GABRG1: variants seen among roughly 807,000 people sequenced by gnomAD.
The protein encoded by GABRG1 is gamma-aminobutyric acid receptor subunit gamma-1.
GABRG1 carries 49 observed loss-of-function variants against 49.8 expected under a neutral mutation model. The observed-to-expected ratio is 0.98, with a 90% CI of 0.78 to 1.25. GABRG1 has a LOEUF of 1.25. GABRG1 is among the 50% of genes most tolerant of loss of function. The probability of loss-of-function intolerance (pLI) is 0.00; values close to 1 mark genes in which losing one functional copy is unlikely to be tolerated. For missense variants in GABRG1, 552 were observed against 552.3 expected (o/e 1.00, Z 0.01); for synonymous variants, 232 against 185.1 (o/e 1.25, Z -2.06).
At chr4:46,093,272 C>CA (rs926012612) in intron 2 of GABRG1, among the ~76,000 whole-genome samples, 13 of 151,146 alleles carry the variant, frequency 8.6e-5, no homozygotes, top group Non-Finnish European at 1.3e-4. Flanking sequence ...CATTCACCCA[C>CA]AAAAAAAAGG....
Position 46,056,151 on chromosome 4 carries a change from T to TAAAAA in GABRG1, c.916+2061_916+2065dup, listed in dbSNP as rs1182116080. Among the ~76,000 whole-genome samples, 86 of 9,134 alleles carry TAAAAA rather than the reference T, an allele frequency of 9.4e-3. 7 individuals carry two copies. The highest frequency in any genetic ancestry group is 0.012 in the Non-Finnish European group (72 of 6,146). 6.0% of individuals were successfully genotyped at this position (9,134 alleles called of 152,430 possible). ...AAAAAAAAAAAATAAATAAATAAAT[T>TAAAAA]AAAAAAAAAAAAAAAAAAAAAAAAA... is the stretch of plus-strand genomic sequence containing the variant. On this transcript the variant is annotated intron_variant, in intron 7 of 8. Coordinates refer to ENST00000295452, the MANE Select transcript of GABRG1 (RefSeq NM_173536.4).
chr4:46,122,965 A>C (rs1168270320), intron 1 of GABRG1, among the ~76,000 whole-genome samples: 1 of 152,050 alleles, frequency 6.6e-6, no homozygotes, highest in African/African-American at 2.4e-5. Context: ...ATGATACCTG[A>C]GCATTTTATA....
At chr4:46,100,707 G>GGA (rs1553883137) in intron 1 of GABRG1, among the ~76,000 whole-genome samples, 1 of 127,060 alleles carries the variant, frequency 7.9e-6, no homozygotes, top group South Asian at 2.5e-4. Flanking sequence ...GAAGATTTTA[G>GGA]AAAAAAAAAA....
chr4:46,103,116 G>C (rs1382038000), intron 1 of GABRG1, among the ~76,000 whole-genome samples: 1 of 151,460 alleles, frequency 6.6e-6, no homozygotes, highest in Non-Finnish European at 1.5e-5. Flanking sequence ...AAATTTCCTG[G>C]TTCTGACACG....
chr4:46,065,935 G>T (rs923337534), intron 3 of GABRG1, among the ~76,000 whole-genome samples: 12 of 152,060 alleles, frequency 7.9e-5, no homozygotes, highest in African/African-American at 2.4e-4. Context: ...TGTTAGCCAG[G>T]ATGGTCTCGA....
intron 2 of GABRG1, among the ~76,000 whole-genome samples, chr4:46,084,631 A>G (rs1159280150): frequency 6.6e-6 from 1 of 151,694 alleles, no homozygotes; most frequent in Non-Finnish European, 1.5e-5. Context: ...TACACTTAAT[A>G]AAACACACAA....
intron 1 of GABRG1, among the ~76,000 whole-genome samples, chr4:46,112,760 A>C (rs1720759748): frequency 2.6e-5 from 4 of 151,100 alleles, no homozygotes. Context: ...TGAACATAAA[A>C]GGCAATGGGG....
At chr4:46,089,681 G>C (rs558763596) in intron 2 of GABRG1, among the ~76,000 whole-genome samples, 1 of 152,212 alleles carries the variant, frequency 6.6e-6, no homozygotes, top group East Asian at 1.9e-4. Context: ...TAGGAAAATA[G>C]GCTAGGCATG....
chr4:46,113,275 T>C (rs768046058), intron 1 of GABRG1, among the ~76,000 whole-genome samples: 1 of 151,100 alleles, frequency 6.6e-6, no homozygotes, highest in Non-Finnish European at 1.5e-5. Context: ...TCAGTAAACT[T>C]ACAATCATGG....
At chr4:46,043,235 A>T (rs537650072) in intron 8 of GABRG1, among the ~76,000 whole-genome samples, 12 of 152,070 alleles carry the variant, frequency 7.9e-5, no homozygotes, top group Non-Finnish European at 1.5e-4. Flanking sequence ...AAATGATTAA[A>T]TTTTTTAGTG....
At chr4:46,102,095 C>T (rs545963679) in intron 1 of GABRG1, among the ~76,000 whole-genome samples, 1 of 151,692 alleles carries the variant, frequency 6.6e-6, no homozygotes, top group South Asian at 2.1e-4. Flanking sequence ...CCAGATAACG[C>T]TCTGAAATAA....
At chr4:46,083,009 A>T (rs1719630933) in intron 3 of GABRG1, among the ~76,000 whole-genome samples, 1 of 151,682 alleles carries the variant, frequency 6.6e-6, no homozygotes, top group Middle Eastern at 3.4e-3. Flanking sequence ...TTCTTCCCTG[A>T]TAGCAAATCT....
intron 2 of GABRG1, among the ~76,000 whole-genome samples, chr4:46,089,260 A>G (rs1318468942): frequency 6.6e-6 from 1 of 152,012 alleles, no homozygotes; most frequent in Non-Finnish European, 1.5e-5. Flanking sequence ...GAAAAACAAC[A>G]AAAAATTATT....
chr4:46,072,403 A>G (rs1227560883), intron 3 of GABRG1, among the ~76,000 whole-genome samples: 1 of 152,084 alleles, frequency 6.6e-6, no homozygotes, highest in Non-Finnish European at 1.5e-5. Context: ...TCACAGAGCT[A>G]TTAACAGTAG....
intron 3 of GABRG1, among the ~76,000 whole-genome samples, chr4:46,073,340 C>T (rs866935360): frequency 7.2e-5 from 11 of 152,016 alleles, no homozygotes; most frequent in Admixed American, 4.6e-4. Flanking sequence ...GATCATAGAA[C>T]GTGTAAGAGA....
In GABRG1 at chr4:46,111,631, G is replaced by A. The variant is rs147987461; in HGVS notation, c.104+12179C>T. 7.3e-3 allele frequency among the ~76,000 whole-genome samples: 1,111 copies of A among 151,392 alleles called. 17 individuals carry two copies. The highest frequency in any genetic ancestry group is 0.026 in the African/African-American group (1,061 of 41,400). ...CAGTAACCAAAACAGCATGGTACTG[G>A]TACAAAAACAGACACATAGGCAAAT... On this transcript the variant is annotated intron_variant, in intron 1 of 8. Coordinates refer to ENST00000295452, the MANE Select transcript of GABRG1 (RefSeq NM_173536.4).
At chr4:46,105,307 G>A (rs1019533730) in intron 1 of GABRG1, among the ~76,000 whole-genome samples, 8 of 151,414 alleles carry the variant, frequency 5.3e-5, no homozygotes, top group African/African-American at 1.4e-4. Context: ...AAAAGAAAAC[G>A]AAAAAACCAA....
chr4:46,098,026 G>A (rs1218075665), intron 1 of GABRG1, among the ~76,000 whole-genome samples: 1 of 151,660 alleles, frequency 6.6e-6, no homozygotes, highest in African/African-American at 2.4e-5. Flanking sequence ...TGATATTGGG[G>A]AGATCAAATA....
intron 1 of GABRG1, among the ~76,000 whole-genome samples, chr4:46,116,704 C>A (rs76098453): frequency 0.04 from 5,982 of 150,698 alleles, 222 homozygotes; most frequent in African/African-American, 0.09. Context: ...ATAGAAAAAG[C>A]AAAACAGTCT....
Sources: gnomAD v4.1 joint callset for allele counts (sites outside exome capture counted in the v4.1 genomes callset) on GRCh38, gnomAD v4.1.1 for gene constraint, MANE v1.5 for transcripts, NCBI Gene and HGNC (gene_info 2026-07-23, HGNC 2026-07-21) for gene names.